Variants in FARS2 observed in about 807,000 individuals in gnomAD.
FARS2 encodes the protein phenylalanyl-tRNA synthetase 2, mitochondrial, also known as phenylalanine--tRNA ligase, mitochondrial.
Under a neutral mutation model 46.4 loss-of-function variants are expected in FARS2, and 40 were observed. The ratio of observed to expected loss-of-function variants is 0.86; its 90% CI spans 0.67 to 1.12. FARS2 has a LOEUF of 1.12. Among genes scored for constraint, FARS2 ranks in the 50% most tolerant of loss-of-function variants. The probability of loss-of-function intolerance (pLI) is 0.00; values close to 1 mark genes in which losing one functional copy is unlikely to be tolerated. For synonymous variants in FARS2, 234 were observed against 214.9 expected (o/e 1.09, Z -0.78); for missense variants, 513 against 567.9 (o/e 0.90, Z 0.98).
At chr6:5,722,417 G>A (rs1561821155) in intron 6 of FARS2, among the ~76,000 whole-genome samples, 1 of 152,164 alleles carries the variant, frequency 6.6e-6, no homozygotes, top group Non-Finnish European at 1.5e-5. Context: ...AATACATCAG[G>A]GGTGCTGTAA....
At chr6:5,745,740 A>G (rs752498296) in intron 6 of FARS2, among the ~76,000 whole-genome samples, 2 of 152,096 alleles carry the variant, frequency 1.3e-5, no homozygotes, top group Admixed American at 6.5e-5. Context: ...AGGTCTTACT[A>G]TGTTGCCCAG....
At chr6:5,692,392 A>G (rs901925663) in intron 6 of FARS2, among the ~76,000 whole-genome samples, 1 of 152,214 alleles carries the variant, frequency 6.6e-6, no homozygotes, top group South Asian at 2.1e-4. Context: ...CTGCCAAAGT[A>G]ATAACTAGCC....
intron 6 of FARS2, among the ~76,000 whole-genome samples, chr6:5,753,767 G>A (rs528374768): frequency 5.3e-5 from 8 of 152,220 alleles, no homozygotes; most frequent in Non-Finnish European, 7.4e-5. Context: ...TATGGTCAAC[G>A]TAGCCTTTCA....
chr6:5,491,956 C>T (rs1484313049), intron 4 of FARS2, among the ~76,000 whole-genome samples: 1 of 151,614 alleles, frequency 6.6e-6, no homozygotes, highest in Non-Finnish European at 1.5e-5. Flanking sequence ...GGTTAGAGAT[C>T]TCCTTTTACA....
intron 4 of FARS2, among the ~76,000 whole-genome samples, chr6:5,517,496 C>G (rs527937768): frequency 1.3e-4 from 20 of 152,006 alleles, no homozygotes; most frequent in Middle Eastern, 6.8e-3. Context: ...GCTTGTAATC[C>G]CAGCTACCGG....
intron 4 of FARS2, among the ~76,000 whole-genome samples, chr6:5,491,423 C>A (rs550963314): frequency 6.6e-6 from 1 of 152,136 alleles, no homozygotes; most frequent in South Asian, 2.1e-4. Context: ...AGCAGCATTT[C>A]GATCATACTT....
chr6:5,734,800 T>C lies in FARS2; in HGVS notation c.1218-36491T>C, dbSNP rs144227200. ...GAAAGATAGATGGTTGTTTGATTTGTAGATAGATAGATACATACATACATA... is the reference window on the plus strand; with the variant it reads ...GAAAGATAGATGGTTGTTTGATTTGCAGATAGATAGATACATACATACATA... On this transcript the variant is annotated intron_variant, in intron 6 of 6. Coordinates refer to ENST00000274680, the MANE Select transcript of FARS2 (RefSeq NM_006567.5). Among the ~76,000 whole-genome samples the C allele has an allele frequency of 5.6e-5, 8 of 144,050 alleles. No homozygotes were observed. In the East Asian group the frequency reaches 1.5e-3, roughly 28 times the overall value. 94.5% of individuals were successfully genotyped at this position (144,050 alleles called of 152,430 possible). A position where few individuals can be genotyped will look rare whatever the true frequency, so the allele number is the denominator to read the frequency against.
chr6:5,688,539 C>T (rs1000588817), intron 6 of FARS2, among the ~76,000 whole-genome samples: 1 of 152,220 alleles, frequency 6.6e-6, no homozygotes, highest in African/African-American at 2.4e-5. Flanking sequence ...CCTTGCATCC[C>T]AGGGATGAAG....
chr6:5,680,883 C>T (rs1253523055), intron 6 of FARS2, among the ~76,000 whole-genome samples: 3 of 151,964 alleles, frequency 2.0e-5, no homozygotes, highest in Non-Finnish European at 4.4e-5. Context: ...AGCCAGAAAA[C>T]AAAATGTAAA....
intron 5 of FARS2, among the ~76,000 whole-genome samples, chr6:5,580,153 G>C (rs1261054681): frequency 6.6e-6 from 1 of 151,596 alleles, no homozygotes; most frequent in African/African-American, 2.4e-5. Flanking sequence ...AGCCGGGCGT[G>C]GTGGTGCGCA....
Position 5,286,461 on chromosome 6 carries a change from A to C in FARS2, c.-22+24801A>C, listed in dbSNP as rs375729467. Among the ~76,000 whole-genome samples, 16 of 152,136 alleles carry C rather than the reference A, an allele frequency of 1.1e-4. No homozygotes were observed. In the South Asian group the frequency reaches 1.5e-3, roughly 14 times the overall value. On this transcript the variant is annotated intron_variant, in intron 1 of 6. Coordinates refer to ENST00000274680, the MANE Select transcript of FARS2 (RefSeq NM_006567.5). ...TGTTATTTGTAGAGAGGGGGTTTCT[A>C]CATGTTGCCCAGACTGTTAACTCCT...
chr6:5,440,112 T>C (rs73352430), intron 4 of FARS2, among the ~76,000 whole-genome samples: 2,254 of 152,218 alleles, frequency 0.015, 67 homozygotes, highest in African/African-American at 0.05. Context: ...ATTGAAAAAT[T>C]AAGAAAATAA....
intron 4 of FARS2, among the ~76,000 whole-genome samples, chr6:5,512,042 A>T (rs1768489005): frequency 6.6e-6 from 1 of 152,230 alleles, no homozygotes; most frequent in Non-Finnish European, 1.5e-5. Flanking sequence ...TATAATCAGA[A>T]TATGCTTTAT....
chr6:5,383,363 G>C (rs1759909991), intron 2 of FARS2, among the ~76,000 whole-genome samples: 2 of 152,188 alleles, frequency 1.3e-5, no homozygotes, highest in Non-Finnish European at 2.9e-5. Flanking sequence ...GGCCTTTGGA[G>C]CCCCTCCATG....
At chr6:5,745,921 T>C (rs1761609493) in intron 6 of FARS2, among the ~76,000 whole-genome samples, 1 of 152,096 alleles carries the variant, frequency 6.6e-6, no homozygotes, top group African/African-American at 2.4e-5. Flanking sequence ...AGGAGAACCC[T>C]GGGGAGACCT....
chr6:5,425,328 G>A (rs181469657), intron 3 of FARS2, among the ~76,000 whole-genome samples: 2 of 152,094 alleles, frequency 1.3e-5, no homozygotes, highest in South Asian at 4.1e-4. Flanking sequence ...AAATACAAAC[G>A]GTATGGGAAA....
chr6:5,699,418 A>G (rs556961954), intron 6 of FARS2, among the ~76,000 whole-genome samples: 5 of 152,264 alleles, frequency 3.3e-5, no homozygotes, highest in African/African-American at 1.2e-4. Flanking sequence ...CAGCAGTATC[A>G]ACATCAGCTG....
intron 4 of FARS2, among the ~76,000 whole-genome samples, chr6:5,448,613 G>T (rs1412406980): frequency 2.0e-5 from 3 of 151,976 alleles, no homozygotes; most frequent in Non-Finnish European, 2.9e-5. Flanking sequence ...TGGGCATTTT[G>T]TGTGTTTCCC....
At chr6:5,544,301 C>T (rs1770824618) in intron 4 of FARS2, among the ~76,000 whole-genome samples, 2 of 152,182 alleles carry the variant, frequency 1.3e-5, no homozygotes, top group South Asian at 2.1e-4. Context: ...GTTCCTAGAT[C>T]CCACCCATAC....
Sources: allele counts gnomAD v4.1 joint callset (sites outside exome capture counted in the v4.1 genomes callset), GRCh38; gene constraint gnomAD v4.1.1; transcripts MANE v1.5; gene names NCBI Gene and HGNC (gene_info 2026-07-23, HGNC 2026-07-21).